ARIH1: variants seen among roughly 807,000 people sequenced by gnomAD.
ARIH1 encodes E3 ubiquitin-protein ligase ARIH1.
In ARIH1, 8 loss-of-function variants were observed where a neutral mutation model predicts 85.0. The observed-to-expected ratio is 0.09, with a 90% CI of 0.06 to 0.17. ARIH1 has a LOEUF of 0.17. Ranked by LOEUF, ARIH1 falls within the 10% of genes least tolerant of loss-of-function variation. The pLI, the probability that ARIH1 is intolerant of heterozygous loss-of-function variation, is 1.00. For missense variants in ARIH1, 311 were observed against 718.1 expected (o/e 0.43, Z 6.48); for synonymous variants, 238 against 253.6 (o/e 0.94, Z 0.59).
At chr15:72,501,014 A>G (rs1016037521) in intron 1 of ARIH1, among the ~76,000 whole-genome samples, 3 of 152,208 alleles carry the variant, frequency 2.0e-5, no homozygotes, top group Non-Finnish European at 2.9e-5. Context: ...TAGACCAAAT[A>G]TACACTATCA....
chr15:72,597,889 C>CTA lies in ARIH1; in HGVS notation c.*14598_*14599dup, dbSNP rs1310717382. 2.6e-5 allele frequency: 4 copies of CTA among 152,150 alleles called. No individual in the cohort carries two copies. Among genetic ancestry groups the CTA allele is most frequent in the African/African-American group, 9.7e-5 (4 of 41,420 alleles). The allele number at this position is 152,150 out of a possible 1,614,324, so 9.4% of individuals were successfully genotyped here. On this transcript the variant is annotated 3_prime_UTR_variant, in exon 14 of 14. Coordinates refer to ENST00000379887, the MANE Select transcript of ARIH1 (RefSeq NM_005744.5). The stretch of plus-strand genomic sequence containing the variant: ...ATAGTTCAACTAGGAATAACAACAG[C>CTA]TAGGGGGTCTCTTCTCTCCTATGAA...
At chr15:72,535,066 C>T (rs2064075724) in intron 2 of ARIH1, among the ~76,000 whole-genome samples, 2 of 144,548 alleles carry the variant, frequency 1.4e-5, no homozygotes, top group Non-Finnish European at 3.0e-5. Flanking sequence ...ATTCTCCTGC[C>T]TCAGCCTCCC....
intron 1 of ARIH1, among the ~76,000 whole-genome samples, chr15:72,485,660 TC>T (rs1182895951): frequency 5.9e-5 from 9 of 152,148 alleles, no homozygotes; most frequent in South Asian, 2.1e-4. Flanking sequence ...AAATTTTTCT[TC>T]CTGAGGTTAA....
intron 1 of ARIH1, among the ~76,000 whole-genome samples, chr15:72,500,784 A>G (rs1053330008): frequency 1.3e-5 from 2 of 152,250 alleles, no homozygotes; most frequent in Non-Finnish European, 2.9e-5. Flanking sequence ...TAGAAGACAC[A>G]GAAGAGTTTA....
At chr15:72,555,751 A>AGG in intron 4 of ARIH1, 101 bp from the exon 5 acceptor site, 1 of 924,784 alleles carries the variant, frequency 1.1e-6, no homozygotes, top group Non-Finnish European at 1.7e-6. Flanking sequence ...AGATCCTGTA[A>AGG]ACATTAAGGT....
chr15:72,577,384 G>T (rs977190735), intron 11 of ARIH1, among the ~76,000 whole-genome samples: 16 of 152,066 alleles, frequency 1.1e-4, no homozygotes, highest in African/African-American at 3.6e-4. Flanking sequence ...TTAAGTAGAA[G>T]TGGATCAGCC....
chr15:72,535,949 CG>C (rs531431524), intron 2 of ARIH1, among the ~76,000 whole-genome samples: 77 of 151,972 alleles, frequency 5.1e-4, no homozygotes, highest in Non-Finnish European at 6.9e-4. Flanking sequence ...GGGGGTGGGG[CG>C]GGGGCAGAGA....
chr15:72,544,869 A>C lies in ARIH1; in HGVS notation c.493A>C (p.Asn165His). ...EKLFAECHVI[N>H]PSKKSRTRQM... ...GCTCTTTGCTGAGTGTCATGTAATT[A>C]ATCCAAGTAAAAAGTCTCGAACACG... Residue 165 changes from asparagine to histidine, a missense_variant, in exon 3 of 14, where the codon AAT becomes CAT. Coordinates refer to ENST00000379887, the MANE Select transcript of ARIH1 (RefSeq NM_005744.5). 1 of 1,613,570 alleles carries C rather than the reference A, an allele frequency of 6.2e-7. No individual in the cohort carries two copies. Among genetic ancestry groups the C allele is most frequent in the East Asian group, 2.2e-5 (1 of 44,870 alleles).
intron 11 of ARIH1, among the ~76,000 whole-genome samples, chr15:72,579,354 C>G (rs183373650): frequency 2.6e-4 from 39 of 151,542 alleles, no homozygotes; most frequent in Non-Finnish European, 4.9e-4. Context: ...GAAACTTGAT[C>G]AAATTCAGAT....
intron 1 of ARIH1, among the ~76,000 whole-genome samples, chr15:72,479,586 T>G (rs1438779450): frequency 6.6e-6 from 1 of 151,988 alleles, no homozygotes; most frequent in Non-Finnish European, 1.5e-5. Flanking sequence ...TTTTTGTATT[T>G]TTAGTAGAGA....
intron 2 of ARIH1, among the ~76,000 whole-genome samples, chr15:72,535,641 A>G (rs1341226036): frequency 1.3e-5 from 2 of 152,228 alleles, no homozygotes; most frequent in Non-Finnish European, 2.9e-5. Context: ...TTCTTTTTAT[A>G]TACTTGAAGA....
intron 2 of ARIH1, among the ~76,000 whole-genome samples, chr15:72,523,221 C>A (rs1010572919): frequency 6.6e-6 from 1 of 152,232 alleles, no homozygotes; most frequent in African/African-American, 2.4e-5. Context: ...TTCATAATTG[C>A]CAAAACTTGG....
chr15:72,574,047 A>G (rs1486162682), intron 11 of ARIH1, among the ~76,000 whole-genome samples: 3 of 151,992 alleles, frequency 2.0e-5, no homozygotes, highest in Non-Finnish European at 4.4e-5. Flanking sequence ...TTTTTTCTCC[A>G]TTAACCTGAT....
intron 11 of ARIH1, among the ~76,000 whole-genome samples, chr15:72,572,759 A>G (rs755070783): frequency 1.3e-5 from 2 of 152,234 alleles, no homozygotes; most frequent in Non-Finnish European, 2.9e-5. Context: ...CATTTGTTAA[A>G]TGGCCCTGGT....
intron 1 of ARIH1, among the ~76,000 whole-genome samples, chr15:72,484,997 T>C (rs1344384306): frequency 6.6e-6 from 1 of 152,170 alleles, no homozygotes; most frequent in African/African-American, 2.4e-5. Flanking sequence ...CTTTAAGGAA[T>C]CTCCACACTG....
chr15:72,601,792 G>C lies in ARIH1; in HGVS notation c.*18500G>C, dbSNP rs2064383068. 1 of 152,122 alleles carries C rather than the reference G, an allele frequency of 6.6e-6. No homozygotes were observed. Among genetic ancestry groups the C allele is most frequent in the African/African-American group, 2.4e-5 (1 of 41,422 alleles). 9.4% of individuals were successfully genotyped at this position (152,122 alleles called of 1,614,324 possible). ...AGTACAAAATTCAAAATGTATTAAA[G>C]GTATAGAGTAAAAAGTCTTCTCTTC... is the stretch of plus-strand genomic sequence containing the variant. On this transcript the variant is annotated 3_prime_UTR_variant, in exon 14 of 14. Transcript: ENST00000379887.
intron 1 of ARIH1, among the ~76,000 whole-genome samples, chr15:72,510,511 G>C (rs192499373): frequency 2.6e-5 from 4 of 151,742 alleles, no homozygotes; most frequent in Non-Finnish European, 4.4e-5. Flanking sequence ...TTGGGAGGCC[G>C]AGGCGGGTGG....
rs1185317956 is a variant in ARIH1 at position 72,590,349 on chromosome 15, T to A, written c.*7057T>A. The stretch of plus-strand genomic sequence containing the variant: ...GATTAGGGGACTTCCAACCTAAGAT[T>A]GTCCTGGAAACTTAATTCTTATCTT... On this transcript the variant is annotated 3_prime_UTR_variant, in exon 14 of 14. Coordinates refer to ENST00000379887, the MANE Select transcript of ARIH1 (RefSeq NM_005744.5). 1.3e-5 allele frequency: 2 copies of A among 152,222 alleles called. No individual in the cohort carries two copies. The highest frequency in any genetic ancestry group is 4.8e-5 in the African/African-American group (2 of 41,448). 9.4% of individuals were successfully genotyped at this position (152,222 alleles called of 1,614,324 possible).
Position 72,536,342 on chromosome 15 carries a change from CAGCT to C in ARIH1, c.444-8477_444-8474del, listed in dbSNP as rs769857029. Among the ~76,000 whole-genome samples, 51 of 152,296 alleles carry C rather than the reference CAGCT, an allele frequency of 3.3e-4. No individual in the cohort carries two copies. In the Middle Eastern group the frequency reaches 0.01, roughly 30 times the overall value. ...GAACTCTGGGCTTGAGCGATCCTCC[CAGCT>C]TGTCCTCCCACAGTGCTGGGATACA... On this transcript the variant is annotated intron_variant, in intron 2 of 13. Transcript: ENST00000379887.
Sources: allele counts gnomAD v4.1 joint callset (sites outside exome capture counted in the v4.1 genomes callset), GRCh38; gene constraint gnomAD v4.1.1; transcripts MANE v1.5; gene names NCBI Gene and HGNC (gene_info 2026-07-23, HGNC 2026-07-21).